The following KIAA0586 variants were observed in gnomAD, a reference collection of about 807,000 sequenced individuals.
KIAA0586 encodes KIAA0586.
A neutral mutation model predicts 169.8 loss-of-function variants in KIAA0586; 144 were observed. That is an observed-to-expected ratio of 0.85 (90% CI 0.74 to 0.97). The LOEUF is 0.97. Among genes scored for constraint, KIAA0586 ranks in the 50% least tolerant of loss-of-function variants. The pLI is 0.00. For missense variants in KIAA0586, 1,854 were observed against 1,823.0 expected, an observed-to-expected ratio of 1.02 and a Z score of -0.31; for synonymous variants, 625 against 612.4, an observed-to-expected ratio of 1.02 and a Z score of -0.30.
chr14:58,477,603 G>T (rs1002006255), intron 20 of KIAA0586, among the ~76,000 whole-genome samples: 4 of 151,910 alleles, frequency 2.6e-5, no homozygotes, highest in African/African-American at 9.7e-5. Context: ...TTCTCCTTTT[G>T]TGCCTAGTCC....
intron 29 of KIAA0586, among the ~76,000 whole-genome samples, chr14:58,516,778 G>A (rs2044789684): frequency 6.6e-6 from 1 of 151,880 alleles, no homozygotes; most frequent in Non-Finnish European, 1.5e-5. Flanking sequence ...TCAAGACAGT[G>A]GAATATTGGC....
At chr14:58,484,903 T>TATATATTTTTATATATATATA (rs2042305033) in intron 21 of KIAA0586, among the ~76,000 whole-genome samples, 1 of 13,500 alleles carries the variant, frequency 7.4e-5, no homozygotes, top group Admixed American at 1.1e-3. Context: ...TATATATATA[T>TATATATTTTTATATATATATA]ATATATATAT....
chr14:58,490,918 G>A (rs1178763960), intron 25 of KIAA0586, among the ~76,000 whole-genome samples: 3 of 151,850 alleles, frequency 2.0e-5, no homozygotes, highest in Non-Finnish European at 4.4e-5. Context: ...GTTTTTTTAA[G>A]TTATTTCACA....
intron 28 of KIAA0586, among the ~76,000 whole-genome samples, chr14:58,509,849 TAAG>T (rs1566921209): frequency 6.6e-6 from 1 of 151,942 alleles, no homozygotes; most frequent in Non-Finnish European, 1.5e-5. Context: ...TTATCAAAAA[TAAG>T]AACTTCTGTT....
chr14:58,444,287 G>A, intron 6 of KIAA0586, 112 bp downstream of exon 6: 1 of 707,918 alleles, frequency 1.4e-6, no homozygotes, highest in Non-Finnish European at 2.4e-6. Context: ...TTTTAGTTCT[G>A]AAATCATGAT....
intron 10 of KIAA0586, 143 bp from the exon 11 acceptor site, chr14:58,457,616 T>A (rs2039978905): frequency 5.1e-6 from 3 of 587,892 alleles, no homozygotes; most frequent in Non-Finnish European, 3.0e-6. Context: ...TGCCAAGTAT[T>A]CTTTTGTAAG....
intron 22 of KIAA0586, among the ~76,000 whole-genome samples, chr14:58,487,674 A>G (rs1209656317): frequency 7.9e-5 from 12 of 152,154 alleles, no homozygotes; most frequent in Admixed American, 6.5e-5. Flanking sequence ...GGTATTAACA[A>G]TGATGTCTTC....
chr14:58,520,022 C>G (rs555541630), intron 29 of KIAA0586, among the ~76,000 whole-genome samples: 14 of 152,202 alleles, frequency 9.2e-5, no homozygotes, highest in Admixed American at 5.9e-4. Context: ...TATTAACATA[C>G]ATTTTTATTA....
At chr14:58,462,173 A>T (rs1298349079) in intron 14 of KIAA0586, among the ~76,000 whole-genome samples, 3 of 152,050 alleles carry the variant, frequency 2.0e-5, no homozygotes, top group Non-Finnish European at 2.9e-5. Flanking sequence ...TAGAAAGCAT[A>T]TAGCTTATGG....
chr14:58,532,689 C>T lies in KIAA0586; in HGVS notation c.4430-7382C>T, dbSNP rs558216782. 2.0e-5 allele frequency among the ~76,000 whole-genome samples: 3 copies of T among 152,188 alleles called. No homozygotes were observed. The East Asian group carries it at 5.8e-4, about 29-fold the overall frequency. The stretch of plus-strand genomic sequence containing the variant: ...TTATTTTCAGTGTCCCTGATGGGCT[C>T]CTTATCCTTGACCTAAAAATGGTGA... On this transcript the variant is annotated intron_variant, in intron 29 of 30. Coordinates refer to ENST00000652326, the MANE Select transcript of KIAA0586 (RefSeq NM_001329943.3).
chr14:58,467,953 A>C, intron 16 of KIAA0586, 31 bp downstream of exon 16: 1 of 1,499,092 alleles, frequency 6.7e-7, no homozygotes, highest in South Asian at 1.4e-5. Flanking sequence ...AGAAAATTTT[A>C]AGGAAGAAAA....
At chr14:58,516,943 C>T (rs923826726) in intron 29 of KIAA0586, among the ~76,000 whole-genome samples, 1 of 151,358 alleles carries the variant, frequency 6.6e-6, no homozygotes, top group Non-Finnish European at 1.5e-5. Context: ...CATCTATATA[C>T]AAAAAAAAGA....
chr14:58,559,837 G>A, the KIAA0586 span, among the ~76,000 whole-genome samples: 1 of 152,138 alleles, frequency 6.6e-6, no homozygotes, highest in East Asian at 1.9e-4. Context: ...AAATCTGGCT[G>A]TGGAGCATTT....
chr14:58,455,242 AC>A (rs2039722069), intron 9 of KIAA0586, among the ~76,000 whole-genome samples: 1 of 152,062 alleles, frequency 6.6e-6, no homozygotes, highest in African/African-American at 2.4e-5. Context: ...TCATTCTTAT[AC>A]TTTCCTTTAA....
At chr14:58,504,806 C>T (rs1595409292) in intron 27 of KIAA0586, among the ~76,000 whole-genome samples, 2 of 152,094 alleles carry the variant, frequency 1.3e-5, no homozygotes, top group Admixed American at 1.3e-4. Flanking sequence ...TTTCCTGACC[C>T]TTATCACTGG....
At chr14:58,555,884 T>C (rs954567404), downstream of KIAA0586, among the ~76,000 whole-genome samples, 15 of 152,356 alleles carry the variant, frequency 9.8e-5, no homozygotes, top group African/African-American at 2.9e-4. Context: ...GTCAATTTGA[T>C]GGAACTCTTT....
chr14:58,453,431 T>A lies in KIAA0586; in HGVS notation c.1211T>A (p.Leu404Gln). 1 of 1,524,006 alleles carries A rather than the reference T, an allele frequency of 6.6e-7. No individual in the cohort carries two copies. Among genetic ancestry groups the A allele is most frequent in the Admixed American group, 2.2e-5 (1 of 46,282 alleles). The allele number at this position is 1,524,006 out of a possible 1,614,324, so 94.4% of individuals were successfully genotyped here. The change falls in exon 9 of 31, where the codon CTA becomes CAA. Residue 404 changes from leucine (L) to glutamine (Q), a missense_variant. Transcript: ENST00000652326. Reference protein sequence around the residue: ...RKSESSNTTSLTRSKIGWTPE... With the variant: ...RKSESSNTTSQTRSKIGWTPE... ...AGTGAATCATCAAACACCACCTCAC[T>A]AACTAGGTCAAAAATAGGATGGACT... is the stretch of plus-strand genomic sequence containing the variant.
chr14:58,521,977 GAA>G (rs2045263077), intron 29 of KIAA0586: 1 of 1,339,014 alleles, frequency 7.5e-7, no homozygotes, highest in Non-Finnish European at 1.1e-6. Flanking sequence ...CACCAATGGC[GAA>G]GATAACTCTT....
At chr14:58,463,030 C>T (rs1225002320) in intron 14 of KIAA0586, among the ~76,000 whole-genome samples, 3 of 152,158 alleles carry the variant, frequency 2.0e-5, no homozygotes, top group Admixed American at 6.5e-5. Flanking sequence ...GGACACAGAG[C>T]CAAGCCATAT....
Sources: gnomAD v4.1 joint callset for allele counts (sites outside exome capture counted in the v4.1 genomes callset) on GRCh38, gnomAD v4.1.1 for gene constraint, MANE v1.5 for transcripts, NCBI Gene and HGNC (gene_info 2026-07-23, HGNC 2026-07-21) for gene names.